GTF2A1: variants seen among roughly 807,000 people sequenced by gnomAD.
GTF2A1 encodes the protein general transcription factor IIA subunit 1.
In GTF2A1, 12 loss-of-function variants were observed where a neutral mutation model predicts 54.1. The observed-to-expected ratio is 0.22, with a 90% CI of 0.14 to 0.36. GTF2A1 has a LOEUF of 0.36. Ranked by LOEUF, GTF2A1 falls within the 10% of genes least tolerant of loss-of-function variation. The pLI, the probability that GTF2A1 is intolerant of heterozygous loss-of-function variation, is 1.00. For missense variants in GTF2A1, 335 were observed against 442.2 expected, an observed-to-expected ratio of 0.76 and a Z score of 2.17; for synonymous variants, 145 against 152.0, an observed-to-expected ratio of 0.95 and a Z score of 0.34.
chr14:81,204,549 C>T (rs1893188087), intron 2 of GTF2A1, among the ~76,000 whole-genome samples: 1 of 152,086 alleles, frequency 6.6e-6, no homozygotes, highest in East Asian at 1.9e-4. Context: ...AAATAACATA[C>T]AAAACATAAA....
chr14:81,219,661 T>C (rs1221858250), intron 1 of GTF2A1, among the ~76,000 whole-genome samples: 3 of 152,092 alleles, frequency 2.0e-5, no homozygotes. Flanking sequence ...AAGAGTTGGG[T>C]GGACTAGTGA....
chr14:81,180,329 A>G lies in GTF2A1; in HGVS notation c.1025T>C (p.Ile342Thr). The G allele has an allele frequency of 8.0e-7, 1 of 1,243,452 alleles. No individual in the cohort carries two copies. The highest frequency in any genetic ancestry group is 1.2e-6 in the Non-Finnish European group (1 of 856,582). The allele number at this position is 1,243,452 out of a possible 1,614,324, so 77.0% of individuals were successfully genotyped here. ...TTTCCATTTGTTTTTACTTCTGTGT[A>G]TCTAAACAAAAACAACATTTTAAAA... ...ENVVVCQYDK[I>T]HRSKNKWKFH... Residue 342 changes from isoleucine (I) to threonine (T), a missense_variant and splice_region_variant, in exon 9 of 9, where the codon ATA becomes ACA. Coordinates refer to ENST00000553612, the MANE Select transcript of GTF2A1 (RefSeq NM_015859.4).
intron 2 of GTF2A1, among the ~76,000 whole-genome samples, chr14:81,204,800 C>G (rs1595223556): frequency 6.6e-6 from 1 of 152,132 alleles, no homozygotes; most frequent in Non-Finnish European, 1.5e-5. Flanking sequence ...TGGGAAAAAT[C>G]ATAATGGACA....
At position 81,203,944 on chromosome 14, in the gene GTF2A1, T is replaced by C; in HGVS notation, c.293A>G (p.Gln98Arg). 1.9e-6 allele frequency: 3 copies of C among 1,614,136 alleles called. No individual in the cohort carries two copies. Among genetic ancestry groups the C allele is most frequent in the Non-Finnish European group, 2.5e-6 (3 of 1,179,992 alleles). ...AAGAACCTGCTGGGTCTGCGCTTGCTGAGGTACTGTCTGCTGAGGCTGAGC... is the reference window on the plus strand; with the variant it reads ...AAGAACCTGCTGGGTCTGCGCTTGCCGAGGTACTGTCTGCTGAGGCTGAGC... ...QQAQPQQTVP[Q>R]QAQTQQVLIP... The change falls in exon 3 of 9, where the codon CAG becomes CGG. Residue 98 changes from glutamine to arginine, a missense_variant. Around this residue, in one of 2 missense-constraint regions of GTF2A1, gnomAD observed 306 missense variants for 360.4 expected, o/e 0.85. Transcript: ENST00000553612.
In GTF2A1 at chr14:81,220,544, G is replaced by T; in HGVS notation, c.-26C>A. ...TTCCACACACAACACAAACAAGAGGGGGCAACCCCAAGAAAACAAGATAAA... is the reference window on the plus strand; with the variant it reads ...TTCCACACACAACACAAACAAGAGGTGGCAACCCCAAGAAAACAAGATAAA... On this transcript the variant is annotated 5_prime_UTR_variant, in exon 1 of 9. Coordinates refer to ENST00000553612, the MANE Select transcript of GTF2A1 (RefSeq NM_015859.4). 6.4e-7 allele frequency: 1 copy of T among 1,551,704 alleles called. No homozygotes were observed. The highest frequency in any genetic ancestry group is 8.7e-7 in the Non-Finnish European group (1 of 1,145,028).
chr14:81,198,644 G>A (rs1025323), intron 4 of GTF2A1, among the ~76,000 whole-genome samples: 1,550 of 152,022 alleles, frequency 0.01, 30 homozygotes, highest in African/African-American at 0.035. Context: ...CCTGTATCCC[G>A]CTATAGCTAC....
At chr14:81,212,842 G>A (rs1345960597) in intron 2 of GTF2A1, among the ~76,000 whole-genome samples, 2 of 152,144 alleles carry the variant, frequency 1.3e-5, no homozygotes, top group Non-Finnish European at 2.9e-5. Context: ...AGCACATGTG[G>A]CTAGTGGCTA....
upstream of GTF2A1, chr14:81,220,966 A>C (rs1308849203): frequency 6.1e-6 from 1 of 163,754 alleles, no homozygotes; most frequent in African/African-American, 2.4e-5. Flanking sequence ...AGACAGGGTG[A>C]AGGGGGAGGG....
chr14:81,216,325 C>G, intron 2 of GTF2A1, 88 bp downstream of exon 2: 1 of 671,044 alleles, frequency 1.5e-6, no homozygotes, highest in Non-Finnish European at 2.7e-6. Flanking sequence ...TACGTTCATC[C>G]TATAGAAAAA....
At chr14:81,193,412 G>A (rs983582211) in intron 6 of GTF2A1, among the ~76,000 whole-genome samples, 5 of 151,988 alleles carry the variant, frequency 3.3e-5, no homozygotes, top group East Asian at 1.9e-4. Flanking sequence ...TGATCCGCCC[G>A]CCTCCCAAAG....
In GTF2A1 at chr14:81,220,699, G is replaced by A; in HGVS notation, c.-181C>T. ...AGAGCGGAGAGAGGAGGAGGAGGGG[G>A]GCACTCCTCCCGCAGCTGAAAACCT... On this transcript the variant is annotated 5_prime_UTR_variant, in exon 1 of 9. Transcript: ENST00000553612. 1 of 372,788 alleles carries A rather than the reference G, an allele frequency of 2.7e-6. No individual in the cohort carries two copies. Among genetic ancestry groups the A allele is most frequent in the East Asian group, 4.0e-5 (1 of 25,142 alleles). The allele number at this position is 372,788 out of a possible 1,614,324, so 23.1% of individuals were successfully genotyped here. A position where few individuals can be genotyped will look rare whatever the true frequency, so the allele number is the denominator to read the frequency against.
At chr14:81,195,534 A>C (rs1892973538) in intron 6 of GTF2A1, among the ~76,000 whole-genome samples, 1 of 148,234 alleles carries the variant, frequency 6.7e-6, no homozygotes, top group Non-Finnish European at 1.5e-5. Context: ...TGGGAGGCTG[A>C]GGCAGGAGAA....
In GTF2A1 at chr14:81,178,791, T is replaced by A. The variant is rs544411509; in HGVS notation, c.*1432A>T. 1.3e-5 allele frequency: 2 copies of A among 152,182 alleles called. No individual in the cohort carries two copies. Among genetic ancestry groups the A allele is most frequent in the South Asian group, 2.1e-4 (1 of 4,820 alleles). The allele number at this position is 152,182 out of a possible 1,614,324, so 9.4% of individuals were successfully genotyped here. A position where few individuals can be genotyped will look rare whatever the true frequency, so the allele number is the denominator to read the frequency against. ...TCAATATACAAGTAACCTAAACACA[T>A]GTAAATTTTGTCAAGATAAACCATG... On this transcript the variant is annotated 3_prime_UTR_variant, in exon 9 of 9. Transcript: ENST00000553612.
chr14:81,216,108 A>G (rs2140043677), intron 2 of GTF2A1, among the ~76,000 whole-genome samples: 1 of 152,360 alleles, frequency 6.6e-6, no homozygotes, highest in East Asian at 1.9e-4. Context: ...TAACTATCCA[A>G]TAATAACTGC....
At position 81,220,820 on chromosome 14, in the gene GTF2A1, C is replaced by T. The variant is rs1202296506; in HGVS notation, c.-302G>A. 4 of 326,336 alleles carry T rather than the reference C, an allele frequency of 1.2e-5. No individual in the cohort carries two copies. The highest frequency in any genetic ancestry group is 8.0e-4 in the Middle Eastern group (1 of 1,252). 20.2% of individuals were successfully genotyped at this position (326,336 alleles called of 1,614,324 possible). On this transcript the variant is annotated 5_prime_UTR_variant, in exon 1 of 9. Coordinates refer to ENST00000553612, the MANE Select transcript of GTF2A1 (RefSeq NM_015859.4). ...ACCCCGCGCCAAGGAGGGAAACCACCACCGGTCACCGCTCCCTGCGCCGCC... is the reference window on the plus strand; with the variant it reads ...ACCCCGCGCCAAGGAGGGAAACCACTACCGGTCACCGCTCCCTGCGCCGCC...
At chr14:81,206,247 C>T (rs1395541754) in intron 2 of GTF2A1, among the ~76,000 whole-genome samples, 1 of 152,118 alleles carries the variant, frequency 6.6e-6, no homozygotes, top group South Asian at 2.1e-4. Context: ...TGTAAACGAC[C>T]TAGGAGTCAG....
rs1178688986 is a variant in GTF2A1, at chr14:81,200,067, G to A, written c.402+1527C>T. On this transcript the variant is annotated intron_variant, in intron 4 of 8. Transcript: ENST00000553612. ...TGAAATTTTTTATTTTCATGTAAAC[G>A]AAAAGATTCTAGAAACTGCAACTAC... Among the ~76,000 whole-genome samples the A allele has an allele frequency of 3.9e-5, 6 of 151,968 alleles. No individual in the cohort carries two copies. In the South Asian group the frequency reaches 8.3e-4, roughly 21 times the overall value.
At chr14:81,193,465 G>A (rs963452680) in intron 6 of GTF2A1, among the ~76,000 whole-genome samples, 2 of 152,012 alleles carry the variant, frequency 1.3e-5, no homozygotes, top group African/African-American at 4.8e-5. Flanking sequence ...GGCCAACCTG[G>A]GTCTACTTTT....
Position 81,176,914 on chromosome 14 carries a change from T to A in GTF2A1, c.*3309A>T, listed in dbSNP as rs534145115. 13 of 152,132 alleles carry A rather than the reference T, an allele frequency of 8.5e-5. No homozygotes were observed. The highest frequency in any genetic ancestry group is 2.6e-4 in the African/African-American group (11 of 41,538). The allele number at this position is 152,132 out of a possible 1,614,324, so 9.4% of individuals were successfully genotyped here. Reference sequence around the variant, plus strand: ...GAAAATGCTAAGTCATAAAGAGAACTCCCAAGAGGAAATTATGTCTGTTTT... The same window carrying A: ...GAAAATGCTAAGTCATAAAGAGAACACCCAAGAGGAAATTATGTCTGTTTT... On this transcript the variant is annotated 3_prime_UTR_variant, in exon 9 of 9. Coordinates refer to ENST00000553612, the MANE Select transcript of GTF2A1 (RefSeq NM_015859.4).
Sources: allele counts gnomAD v4.1 joint callset (sites outside exome capture counted in the v4.1 genomes callset), GRCh38; gene constraint gnomAD v4.1.1; regional missense constraint gnomAD v4.1.1; transcripts MANE v1.5; gene names NCBI Gene and HGNC (gene_info 2026-07-23, HGNC 2026-07-21).